AGBL1: variants seen among roughly 807,000 people sequenced by gnomAD.
The protein encoded by AGBL1 is cytosolic carboxypeptidase 4.
Under a neutral mutation model 118.9 loss-of-function variants are expected in AGBL1, and 130 were observed. The observed-to-expected ratio is 1.09, with a 90% CI of 0.95 to 1.26. The LOEUF (loss-of-function observed/expected upper bound fraction) is 1.26, where lower values mean the gene tolerates loss of function less well. Ranked by LOEUF, AGBL1 falls within the 50% of genes most tolerant of loss-of-function variation. The pLI, the probability that AGBL1 is intolerant of heterozygous loss-of-function variation, is 0.00. For synonymous variants in AGBL1, 555 were observed against 478.9 expected, an observed-to-expected ratio of 1.16 and a Z score of -2.08; for missense variants, 1,584 against 1,298.1, an observed-to-expected ratio of 1.22 and a Z score of -3.38.
intron 5 of AGBL1, among the ~76,000 whole-genome samples, chr15:86,165,367 C>T (rs951969168): frequency 2.0e-5 from 3 of 152,138 alleles, no homozygotes; most frequent in African/African-American, 7.2e-5. Flanking sequence ...TCCTGCTTCT[C>T]TTCTCCCTGC....
chr15:86,710,351 CAA>C, intron 22 of AGBL1, among the ~76,000 whole-genome samples: 1 of 152,214 alleles, frequency 6.6e-6, no homozygotes, highest in South Asian at 2.1e-4. Context: ...TCTTTTGAAT[CAA>C]GAGATATAAA....
intron 16 of AGBL1, among the ~76,000 whole-genome samples, chr15:86,294,755 C>T (rs2079605354): frequency 6.6e-6 from 1 of 151,890 alleles, no homozygotes; most frequent in African/African-American, 2.4e-5. Flanking sequence ...AAATTGTTTG[C>T]TAATTTTTAT....
chr15:86,960,008 G>C (rs2080975110), intron 23 of AGBL1, among the ~76,000 whole-genome samples: 1 of 151,988 alleles, frequency 6.6e-6, no homozygotes, highest in Non-Finnish European at 1.5e-5. Flanking sequence ...TAAGGTTTCG[G>C]GTAAATGTGC....
At chr15:86,705,389 A>G (rs950814683) in intron 22 of AGBL1, among the ~76,000 whole-genome samples, 2 of 152,192 alleles carry the variant, frequency 1.3e-5, no homozygotes, top group Non-Finnish European at 2.9e-5. Context: ...ACTAAAACAT[A>G]TTCCATGAAT....
intron 21 of AGBL1, among the ~76,000 whole-genome samples, chr15:86,621,608 A>G (rs1213452672): frequency 6.6e-6 from 1 of 152,234 alleles, no homozygotes. Context: ...AAAATCCAGT[A>G]TATCTTGAGA....
chr15:86,584,021 T>A (rs1249824402), intron 21 of AGBL1, among the ~76,000 whole-genome samples: 1 of 152,098 alleles, frequency 6.6e-6, no homozygotes, highest in African/African-American at 2.4e-5. Context: ...CTTTTACCCA[T>A]TTTTAATGGG....
intron 1 of AGBL1, among the ~76,000 whole-genome samples, chr15:86,132,691 T>G (rs915874701): frequency 2.0e-5 from 3 of 152,194 alleles, no homozygotes; most frequent in African/African-American, 4.8e-5. Flanking sequence ...CTAGCATTAT[T>G]ATGATGACCG....
chr15:86,776,078 A>G (rs1279002461), intron 22 of AGBL1, among the ~76,000 whole-genome samples: 1 of 152,192 alleles, frequency 6.6e-6, no homozygotes, highest in African/African-American at 2.4e-5. Flanking sequence ...TTCAGTGGTC[A>G]TCAATCATTT....
intron 10 of AGBL1, among the ~76,000 whole-genome samples, chr15:86,263,922 T>C (rs563843687): frequency 3.3e-5 from 5 of 152,196 alleles, no homozygotes; most frequent in Non-Finnish European, 7.3e-5. Context: ...ATAAACAGAA[T>C]TATTCTCAAG....
intron 1 of AGBL1, among the ~76,000 whole-genome samples, chr15:86,122,301 C>T (rs560320435): frequency 2.0e-5 from 3 of 152,196 alleles, no homozygotes; most frequent in African/African-American, 4.8e-5. Flanking sequence ...TAGATATTCC[C>T]GTGAAAGCTG....
chr15:86,438,098 G>A (rs1433734135), intron 18 of AGBL1, among the ~76,000 whole-genome samples: 2 of 151,884 alleles, frequency 1.3e-5, no homozygotes, highest in Admixed American at 6.6e-5. Context: ...AGTAGAAATG[G>A]GATTTCACCA....
intron 1 of AGBL1, among the ~76,000 whole-genome samples, chr15:86,110,713 T>C (rs1897326683): frequency 6.6e-6 from 1 of 152,358 alleles, no homozygotes; most frequent in Non-Finnish European, 1.5e-5. Flanking sequence ...GGATTTCCCA[T>C]CTTTGAAGTG....
intron 11 of AGBL1, 134 bp from the exon 12 acceptor site, chr15:86,266,240 T>G (rs959442205): frequency 3.7e-6 from 2 of 541,286 alleles, no homozygotes; most frequent in African/African-American, 3.9e-5. Context: ...GAGCTCAAAG[T>G]TGAGGTGTTA....
At chr15:86,395,107 AGACACTGACTCT>A (rs1469904673) in intron 17 of AGBL1, among the ~76,000 whole-genome samples, 1 of 152,180 alleles carries the variant, frequency 6.6e-6, no homozygotes, top group African/African-American at 2.4e-5. Flanking sequence ...GATATCAGTG[AGACACTGACTCT>A]ATGGTTGAGA....
intron 5 of AGBL1, among the ~76,000 whole-genome samples, chr15:86,182,802 A>G (rs1879056382): frequency 6.6e-6 from 1 of 152,182 alleles, no homozygotes; most frequent in Non-Finnish European, 1.5e-5. Flanking sequence ...CTCTAAGATC[A>G]GAATAAAAGA....
At chr15:86,840,320 G>A (rs1289927530) in intron 22 of AGBL1, among the ~76,000 whole-genome samples, 4 of 152,204 alleles carry the variant, frequency 2.6e-5, no homozygotes, top group Non-Finnish European at 5.9e-5. Flanking sequence ...TAACATTTTA[G>A]TAAGTTGAGA....
chr15:86,450,029 C>T (rs2082173919), intron 18 of AGBL1, among the ~76,000 whole-genome samples: 2 of 152,224 alleles, frequency 1.3e-5, no homozygotes, highest in Non-Finnish European at 2.9e-5. Flanking sequence ...TCCTGCATGT[C>T]AGCTTACTCC....
chr15:86,458,572 T>A (rs2082290532), intron 18 of AGBL1, among the ~76,000 whole-genome samples: 1 of 152,184 alleles, frequency 6.6e-6, no homozygotes, highest in African/African-American at 2.4e-5. Flanking sequence ...CTAACACCAT[T>A]TGTCACTGAG....
downstream of AGBL1, among the ~76,000 whole-genome samples, chr15:86,919,011 G>T (rs778051501): frequency 3.3e-4 from 50 of 152,144 alleles, no homozygotes; most frequent in Non-Finnish European, 6.0e-4. Context: ...TTTTTTCAGA[G>T]TACTACTTTG....
Sources: gnomAD v4.1 joint callset for allele counts (sites outside exome capture counted in the v4.1 genomes callset) on GRCh38, gnomAD v4.1.1 for gene constraint, MANE v1.5 for transcripts, NCBI Gene and HGNC (gene_info 2026-07-23, HGNC 2026-07-21) for gene names.